SLC38A4: variants seen among roughly 807,000 people sequenced by gnomAD.
The protein encoded by SLC38A4 is sodium-coupled neutral amino acid transporter 4.
Under a neutral mutation model 63.1 loss-of-function variants are expected in SLC38A4, and 20 were observed. That is an observed-to-expected ratio of 0.32 (90% CI 0.22 to 0.46). The LOEUF is 0.46. SLC38A4 is among the 20% of genes least tolerant of loss of function. SLC38A4 has a pLI of 1.00. For missense variants in SLC38A4, 526 were observed against 663.6 expected (o/e 0.79, Z 2.28); for synonymous variants, 230 against 225.5 (o/e 1.02, Z -0.18).
At chr12:46,815,043 A>T (rs1472762161) in intron 1 of SLC38A4, among the ~76,000 whole-genome samples, 1 of 151,700 alleles carries the variant, frequency 6.6e-6, no homozygotes, top group Non-Finnish European at 1.5e-5. Flanking sequence ...GCTTTGTGGC[A>T]TGAGTTTTCA....
chr12:46,782,512 A>G (rs1427101867), intron 7 of SLC38A4, among the ~76,000 whole-genome samples: 3 of 152,044 alleles, frequency 2.0e-5, no homozygotes, highest in Non-Finnish European at 4.4e-5. Context: ...GGCATAGGGG[A>G]AAACCTATGA....
At position 46,765,710 on chromosome 12, in the gene SLC38A4, T is replaced by G. The variant is rs1038873395; in HGVS notation, c.*991A>C. On this transcript the variant is annotated 3_prime_UTR_variant, in exon 17 of 17. Transcript: ENST00000266579. ...GTAAAAAATAAAAATCAAATGTACC[T>G]TACATTAACATTCTGATGACTACAG... 2.7e-5 allele frequency: 5 copies of G among 183,220 alleles called. No individual in the cohort carries two copies. Among genetic ancestry groups the G allele is most frequent in the African/African-American group, 1.2e-4 (5 of 41,556 alleles). The allele number at this position is 183,220 out of a possible 1,614,324, so 11.3% of individuals were successfully genotyped here.
rs1260291730 is a variant in SLC38A4 at position 46,776,885 on chromosome 12, G to T, written c.1174+19C>A. On this transcript the variant is annotated intron_variant, in intron 13 of 16. Transcript: ENST00000266579. Reference sequence around the variant, plus strand: ...TAACAAGGATTTGCATATAGAGAATGACTTTCAGAGTGACCTACCATAGAA... The same window carrying T: ...TAACAAGGATTTGCATATAGAGAATTACTTTCAGAGTGACCTACCATAGAA... 1 of 1,603,884 alleles carries T rather than the reference G, an allele frequency of 6.2e-7. No homozygotes were observed. Among genetic ancestry groups the T allele is most frequent in the South Asian group, 1.1e-5 (1 of 90,810 alleles).
chr12:46,823,238 C>T (rs1460418245), intron 1 of SLC38A4, among the ~76,000 whole-genome samples: 1 of 152,128 alleles, frequency 6.6e-6, no homozygotes, highest in Non-Finnish European at 1.5e-5. Context: ...GGTCTCGTGA[C>T]TTACAGAGAA....
chr12:46,794,835 G>T (rs1478051902), intron 2 of SLC38A4, among the ~76,000 whole-genome samples: 2 of 151,598 alleles, frequency 1.3e-5, no homozygotes, highest in African/African-American at 4.8e-5. Context: ...GCAGTTCTCA[G>T]AATTTAAAAA....
At chr12:46,777,743 G>T (rs747836792) in intron 12 of SLC38A4, among the ~76,000 whole-genome samples, 3 of 151,904 alleles carry the variant, frequency 2.0e-5, no homozygotes, top group Non-Finnish European at 4.4e-5. Context: ...AAAGGGAAAA[G>T]AATACAAATG....
Position 46,779,838 on chromosome 12 carries a change from G to A in SLC38A4, c.600C>T (p.Tyr200=), listed in dbSNP as rs1219171340. Residue 200 remains tyrosine, a synonymous_variant, in exon 9 of 17, where the codon TAC becomes TAT. Transcript: ENST00000266579. ...NTGEWYLNGN[Y]LIIFVSVGII... is the part of the protein sequence containing the mutation. ...TTCCAACAGACACAAATATGATGAG[G>A]TAGTTGCCATTGAGGTACCATTCTC... The A allele has an allele frequency of 8.1e-6, 13 of 1,612,170 alleles. No homozygotes were observed. In the East Asian group the frequency reaches 2.7e-4, roughly 33 times the overall value.
intron 1 of SLC38A4, among the ~76,000 whole-genome samples, chr12:46,805,550 A>G (rs1268727705): frequency 6.6e-6 from 1 of 152,042 alleles, no homozygotes; most frequent in African/African-American, 2.4e-5. Flanking sequence ...CACAGACTTA[A>G]TCATTATAAT....
intron 1 of SLC38A4, among the ~76,000 whole-genome samples, chr12:46,825,304 A>G (rs904900929): frequency 5.1e-5 from 6 of 117,848 alleles, no homozygotes; most frequent in Admixed American, 1.6e-4. Context: ...TTACTTTAAT[A>G]TACAAAGTTT....
At chr12:46,820,123 G>T (rs1037555329) in intron 1 of SLC38A4, among the ~76,000 whole-genome samples, 1 of 151,872 alleles carries the variant, frequency 6.6e-6, no homozygotes, top group African/African-American at 2.4e-5. Flanking sequence ...TGTCACCATG[G>T]TCAATGTAAT....
At chr12:46,779,580 C>T (rs1298221618) in intron 10 of SLC38A4, 31 bp downstream of exon 10, 4 of 1,569,692 alleles carry the variant, frequency 2.5e-6, no homozygotes, top group Middle Eastern at 1.7e-4. Flanking sequence ...TGCTAACCAA[C>T]CTGCAAGGAT....
chr12:46,779,848 T>C lies in SLC38A4; in HGVS notation c.590A>G (p.Asn197Ser), dbSNP rs1319138642. 12 of 1,612,092 alleles carry C rather than the reference T, an allele frequency of 7.4e-6. No individual in the cohort carries two copies. In the Admixed American group the frequency reaches 8.4e-5, roughly 11 times the overall value. Reference sequence around the variant, plus strand: ...CACAAATATGATGAGGTAGTTGCCATTGAGGTACCATTCTCTAGAAGTGAG... The same window carrying C: ...CACAAATATGATGAGGTAGTTGCCACTGAGGTACCATTCTCTAGAAGTGAG... Reference protein sequence around the residue: ...LEENTGEWYLNGNYLIIFVSV... With the variant: ...LEENTGEWYLSGNYLIIFVSV... The change falls in exon 9 of 17, where the codon AAT becomes AGT. Residue 197 changes from asparagine (N) to serine (S), a missense_variant. Coordinates refer to ENST00000266579, the MANE Select transcript of SLC38A4 (RefSeq NM_018018.5).
chr12:46,802,757 A>T (rs1165353821), intron 2 of SLC38A4, among the ~76,000 whole-genome samples: 1 of 152,038 alleles, frequency 6.6e-6, no homozygotes, highest in Non-Finnish European at 1.5e-5. Flanking sequence ...ATCAATTCAA[A>T]TATTCTTCCA....
In SLC38A4 at chr12:46,793,018, G is replaced by A. The variant is rs1284383716; in HGVS notation, c.54C>T (p.Ser18=). ...AGCTATCTGGAGCACTTTCTCCACT[G>A]CTGCTCTCATCATCTGGTTCGATGT... ...NVNIEPDDES[S]SGESAPDSYI... The change falls in exon 3 of 17, where the codon AGC becomes AGT. Residue 18 remains serine, a synonymous_variant. Coordinates refer to ENST00000266579, the MANE Select transcript of SLC38A4 (RefSeq NM_018018.5). 1 of 1,613,292 alleles carries A rather than the reference G, an allele frequency of 6.2e-7. No homozygotes were observed. Among genetic ancestry groups the A allele is most frequent in the South Asian group, 1.1e-5 (1 of 91,068 alleles).
intron 3 of SLC38A4, among the ~76,000 whole-genome samples, chr12:46,789,510 C>T (rs1165439500): frequency 6.6e-6 from 1 of 152,132 alleles, no homozygotes; most frequent in African/African-American, 2.4e-5. Flanking sequence ...TAGAGCTGTG[C>T]TGGTCAGCTC....
chr12:46,819,321 A>T (rs1939498094), intron 1 of SLC38A4, among the ~76,000 whole-genome samples: 1 of 151,546 alleles, frequency 6.6e-6, no homozygotes, highest in South Asian at 2.1e-4. Flanking sequence ...AGAGAGAGAG[A>T]ATATGAGAAA....
chr12:46,775,185 A>G lies in SLC38A4; in HGVS notation c.1175-12T>C, dbSNP rs369947699. ...ATCTTCAACTTCTCCTACAACAGGA[A>G]AAAGAGAATGAAACCGCTTGGTGTT... On this transcript the variant is annotated splice_polypyrimidine_tract_variant and intron_variant, in intron 13 of 16. Transcript: ENST00000266579. 78 of 1,610,076 alleles carry G rather than the reference A, an allele frequency of 4.8e-5. No homozygotes were observed. In the African/African-American group the frequency reaches 7.9e-4, roughly 16 times the overall value.
Position 46,766,540 on chromosome 12 carries a change from A to G in SLC38A4, c.*161T>C. ...ACAACCATCCTTGACAAAAACAGTG[A>G]TTTTCCTCTTCTGCAGGTGCCTGGT... On this transcript the variant is annotated 3_prime_UTR_variant, in exon 17 of 17. Transcript: ENST00000266579. The G allele has an allele frequency of 2.9e-6, 2 of 695,688 alleles. No homozygotes were observed. Among genetic ancestry groups the G allele is most frequent in the African/African-American group, 1.8e-5 (1 of 56,990 alleles). 43.1% of individuals were successfully genotyped at this position (695,688 alleles called of 1,614,324 possible).
intron 14 of SLC38A4, among the ~76,000 whole-genome samples, chr12:46,773,634 C>T (rs1467362816): frequency 6.6e-6 from 1 of 152,016 alleles, no homozygotes; most frequent in African/African-American, 2.4e-5. Flanking sequence ...TTGGATTTTC[C>T]ATGCTGAGGT....
Sources: allele counts gnomAD v4.1 joint callset (sites outside exome capture counted in the v4.1 genomes callset), GRCh38; gene constraint gnomAD v4.1.1; transcripts MANE v1.5; gene names NCBI Gene and HGNC (gene_info 2026-07-23, HGNC 2026-07-21).